The following AASS variants were observed in gnomAD, a reference collection of about 807,000 sequenced individuals.
AASS encodes alpha-aminoadipic semialdehyde synthase, mitochondrial.
In AASS, 86 loss-of-function variants were observed where a neutral mutation model predicts 105.4. The observed-to-expected ratio is 0.82, with a 90% confidence interval of 0.69 to 0.98. AASS has a LOEUF of 0.98. Among genes scored for constraint, AASS ranks in the 50% least tolerant of loss-of-function variants. The pLI, the probability that AASS is intolerant of heterozygous loss-of-function variation, is 0.00. For missense variants in AASS, 1,048 were observed against 1,143.2 expected (o/e 0.92, Z 1.20); for synonymous variants, 381 against 394.8 (o/e 0.96, Z 0.41).
chr7:122,091,690 TAA>T lies in AASS; in HGVS notation c.2016+11_2016+12del. On this transcript the variant is annotated intron_variant, in intron 18 of 23. Transcript: ENST00000417368. ...GCAGGTTGATATCACTATGCTTGGA[TAA>T]GATTCCTCACCTTTCCATCGAGCAG... 6.2e-7 allele frequency: 1 copy of T among 1,613,400 alleles called. No homozygotes were observed. The highest frequency in any genetic ancestry group is 8.5e-7 in the Non-Finnish European group (1 of 1,179,580).
rs1793188194 is a variant in AASS, at chr7:122,079,211, A to T, written c.2397-261T>A. 24 of 1,388,624 alleles carry T rather than the reference A, an allele frequency of 1.7e-5. No individual in the cohort carries two copies. In the South Asian group the frequency reaches 2.7e-4, roughly 16 times the overall value. The allele number at this position is 1,388,624 out of a possible 1,614,324, so 86.0% of individuals were successfully genotyped here. ...ATTGTAATCCCATGTTCTTACAAAG[A>T]TCTTTATGAGATTAATTTATAGGTT... On this transcript the variant is annotated intron_variant, in intron 21 of 23. Coordinates refer to ENST00000417368, the MANE Select transcript of AASS (RefSeq NM_005763.4).
chr7:122,098,955 A>G (rs1794305160), intron 13 of AASS, 89 bp from the exon 14 acceptor site: 1 of 1,345,460 alleles, frequency 7.4e-7, no homozygotes, highest in Non-Finnish European at 9.9e-7. Flanking sequence ...TCCACAAATC[A>G]TACTAAAACC....
Position 122,113,220 on chromosome 7 carries a change from G to A in AASS, c.1176C>T (p.Gly392=). Residue 392 remains glycine (G), a synonymous_variant, in exon 11 of 24, where the codon GGC becomes GGT. Coordinates refer to ENST00000417368, the MANE Select transcript of AASS (RefSeq NM_005763.4). ...DQHIIHDSVE[G]SGILMCSIDN... ...CAATGGAACACATCAGGATCCCCGA[G>A]CCTTCAACACTAAAAGCAGCAATGT... is the stretch of plus-strand genomic sequence containing the variant. 1 of 1,613,842 alleles carries A rather than the reference G, an allele frequency of 6.2e-7. No homozygotes were observed. The highest frequency in any genetic ancestry group is 8.5e-7 in the Non-Finnish European group (1 of 1,179,818).
At chr7:122,103,365 T>A (rs1794521139) in intron 11 of AASS, among the ~76,000 whole-genome samples, 1 of 152,016 alleles carries the variant, frequency 6.6e-6, no homozygotes, top group Non-Finnish European at 1.5e-5. Context: ...ACAGCAAAGC[T>A]GTCCTTCAGA....
At chr7:122,132,438 A>G (rs1436524909) in intron 2 of AASS, among the ~76,000 whole-genome samples, 1 of 152,240 alleles carries the variant, frequency 6.6e-6, no homozygotes, top group East Asian at 1.9e-4. Flanking sequence ...ATGGAGGCTG[A>G]CATGATTAGT....
chr7:122,098,313 G>A (rs1562918545), intron 15 of AASS, 137 bp downstream of exon 15: 1 of 839,368 alleles, frequency 1.2e-6, no homozygotes, highest in Non-Finnish European at 1.9e-6. Context: ...CTTATGATTT[G>A]TGCACCTTCT....
intron 11 of AASS, among the ~76,000 whole-genome samples, chr7:122,101,889 C>T (rs17532418): frequency 1.3e-5 from 2 of 151,854 alleles, no homozygotes; most frequent in East Asian, 3.9e-4. Context: ...GCACAAGTCC[C>T]AATTTTAAAA....
At chr7:122,135,770 C>T (rs567823771) in intron 1 of AASS, among the ~76,000 whole-genome samples, 1 of 152,020 alleles carries the variant, frequency 6.6e-6, no homozygotes, top group African/African-American at 2.4e-5. Flanking sequence ...CTGGAGGAAG[C>T]GTAGAATACG....
At position 122,093,108 on chromosome 7, in the gene AASS, T is replaced by C. The variant is rs1185748333; in HGVS notation, c.1706A>G (p.Asn569Ser). 3.1e-6 allele frequency: 5 copies of C among 1,614,022 alleles called. No individual in the cohort carries two copies. Among genetic ancestry groups the C allele is most frequent in the African/African-American group, 1.3e-5 (1 of 75,052 alleles). Reference sequence around the variant, plus strand: ...GCTTGCAGTGACCATGTTAACTTTGTTTGTGATGCAGGCCTTGGCCACAAG... The same window carrying C: ...GCTTGCAGTGACCATGTTAACTTTGCTTGTGATGCAGGCCTTGGCCACAAG... ...HPLVAKACIT[N>S]KVNMVTASYI... Residue 569 changes from asparagine to serine, a missense_variant, in exon 16 of 24, where the codon AAC (asparagine) becomes AGC (serine). Coordinates refer to ENST00000417368, the MANE Select transcript of AASS (RefSeq NM_005763.4).
Position 122,101,312 on chromosome 7 carries a change from C to T in AASS, c.1406+59G>A, listed in dbSNP as rs143062354. ...ACTCCCATTGAAGCATTAAAAAATA[C>T]TCATGAATTCCAAGATAAGAATAAA... On this transcript the variant is annotated intron_variant, in intron 13 of 23. Coordinates refer to ENST00000417368, the MANE Select transcript of AASS (RefSeq NM_005763.4). 3,089 of 1,332,608 alleles carry T rather than the reference C, an allele frequency of 2.3e-3. 35 individuals are homozygous for T. The East Asian group carries it at 0.034, about 15-fold the overall frequency. The allele number at this position is 1,332,608 out of a possible 1,614,324, so 82.5% of individuals were successfully genotyped here.
At chr7:122,107,965 AAAC>A (rs1794746981) in intron 11 of AASS, among the ~76,000 whole-genome samples, 1 of 151,892 alleles carries the variant, frequency 6.6e-6, no homozygotes. Context: ...AAAAAAAAAA[AAAC>A]ACAGATGAAA....
chr7:122,085,944 A>C, intron 19 of AASS, 68 bp downstream of exon 19: 24 of 1,569,170 alleles, frequency 1.5e-5, no homozygotes, highest in Non-Finnish European at 2.1e-5. Context: ...ACTACTAAGA[A>C]AAATTAAGTG....
chr7:122,100,206 T>A (rs1794363099), intron 13 of AASS, among the ~76,000 whole-genome samples: 3 of 151,882 alleles, frequency 2.0e-5, no homozygotes, highest in Non-Finnish European at 2.9e-5. Context: ...CGGAGCCAAG[T>A]AAACCTGCTG....
intron 11 of AASS, among the ~76,000 whole-genome samples, chr7:122,104,256 G>T (rs992785558): frequency 1.3e-5 from 2 of 151,696 alleles, no homozygotes; most frequent in African/African-American, 4.9e-5. Flanking sequence ...ATTGGATAAA[G>T]AAAATGTGGT....
intron 11 of AASS, among the ~76,000 whole-genome samples, chr7:122,112,855 G>T (rs971113432): frequency 6.6e-6 from 1 of 152,150 alleles, no homozygotes. Context: ...CTCACACGTG[G>T]TGAACATTCT....
intron 13 of AASS, among the ~76,000 whole-genome samples, chr7:122,100,995 A>G (rs1794398896): frequency 6.6e-6 from 1 of 151,880 alleles, no homozygotes; most frequent in South Asian, 2.1e-4. Context: ...CTAAAACCCA[A>G]ACTGAAAGCA....
At chr7:122,080,363 T>C (rs539993152) in intron 20 of AASS, among the ~76,000 whole-genome samples, 1 of 152,306 alleles carries the variant, frequency 6.6e-6, no homozygotes, top group African/African-American at 2.4e-5. Context: ...GGTTTATGTA[T>C]CGTCTATGGG....
At chr7:122,091,897 TAAGTAATTAATTGAAGACAATGATATG>T in intron 17 of AASS, 54 bp from the exon 18 acceptor site, 1 of 1,287,044 alleles carries the variant, frequency 7.8e-7, no homozygotes, top group Non-Finnish European at 1.1e-6. Context: ...AGAGAATGTC[TAAGTAATTAATTGAAGACAATGATATG>T]AATGGAGTAA....
chr7:122,113,923 C>CAA (rs776611119), intron 9 of AASS, among the ~76,000 whole-genome samples: 41 of 56,242 alleles, frequency 7.3e-4, no homozygotes, highest in African/African-American at 1.8e-3. Context: ...TTTTAGTCTC[C>CAA]AAAAAAAAAA....
Sources: gnomAD v4.1 joint callset for allele counts (sites outside exome capture counted in the v4.1 genomes callset) on GRCh38, gnomAD v4.1.1 for gene constraint, MANE v1.5 for transcripts, NCBI Gene and HGNC (gene_info 2026-07-23, HGNC 2026-07-21) for gene names.